The following MAMDC2 variants were observed in gnomAD, a reference collection of about 807,000 sequenced individuals.
MAMDC2 encodes MAM domain-containing protein 2.
Under a neutral mutation model 89.8 loss-of-function variants are expected in MAMDC2, and 57 were observed. That is an observed-to-expected ratio of 0.63 (90% CI 0.51 to 0.79). The LOEUF (loss-of-function observed/expected upper bound fraction) is 0.79, where lower values mean the gene tolerates loss of function less well. Among genes scored for constraint, MAMDC2 ranks in the 30% least tolerant of loss-of-function variants. The pLI is 0.00. For synonymous variants in MAMDC2, 313 were observed against 293.4 expected (o/e 1.07, Z -0.68); for missense variants, 800 against 820.6 (o/e 0.97, Z 0.31).
intron 9 of MAMDC2, among the ~76,000 whole-genome samples, chr9:70,144,086 A>C (rs1280551607): frequency 6.6e-6 from 1 of 152,242 alleles, no homozygotes; most frequent in Non-Finnish European, 1.5e-5. Context: ...CTGAGAGTAC[A>C]TGAATTGTCC....
At chr9:70,124,085 G>T (rs530904152) in intron 5 of MAMDC2, among the ~76,000 whole-genome samples, 8 of 152,176 alleles carry the variant, frequency 5.3e-5, no homozygotes. Context: ...TGCAGCATGG[G>T]GCTGGGTGCC....
intron 2 of MAMDC2, among the ~76,000 whole-genome samples, chr9:70,072,585 T>C (rs542627880): frequency 1.9e-3 from 291 of 152,258 alleles, no homozygotes; most frequent in African/African-American, 6.6e-3. Flanking sequence ...ATTATTATTA[T>C]CCCCACCGAT....
intron 9 of MAMDC2, among the ~76,000 whole-genome samples, chr9:70,166,304 CAT>C (rs56121728): frequency 0.2 from 25,897 of 130,370 alleles, 3,189 homozygotes; most frequent in African/African-American, 0.36. Flanking sequence ...CACACACACA[CAT>C]ATATATATAT....
At chr9:70,224,325 G>A (rs1041795656) in intron 12 of MAMDC2, among the ~76,000 whole-genome samples, 1 of 152,148 alleles carries the variant, frequency 6.6e-6, no homozygotes, top group African/African-American at 2.4e-5. Flanking sequence ...CTATATTCAA[G>A]CATCTCATTG....
intron 12 of MAMDC2, among the ~76,000 whole-genome samples, chr9:70,224,454 C>T (rs186629251): frequency 1.3e-5 from 2 of 152,302 alleles, no homozygotes; most frequent in East Asian, 1.9e-4. Flanking sequence ...AACTATTAGT[C>T]TGCAGCCAAA....
At chr9:70,147,169 T>A in intron 9 of MAMDC2, among the ~76,000 whole-genome samples, 1 of 142,474 alleles carries the variant, frequency 7.0e-6, no homozygotes, top group Non-Finnish European at 1.5e-5. Flanking sequence ...GGCACAAGAA[T>A]CGCTTGTGCC....
intron 12 of MAMDC2, among the ~76,000 whole-genome samples, chr9:70,225,255 T>C (rs2033624130): frequency 6.6e-6 from 1 of 152,226 alleles, no homozygotes; most frequent in African/African-American, 2.4e-5. Flanking sequence ...CCATTATCTT[T>C]GGTAAACTTC....
chr9:70,161,670 G>T (rs2031975718), intron 9 of MAMDC2, among the ~76,000 whole-genome samples: 1 of 152,158 alleles, frequency 6.6e-6, no homozygotes. Flanking sequence ...ATTTTGCCAA[G>T]TATCTCAATA....
In MAMDC2 at chr9:70,131,500, A is replaced by C. The variant is rs757705503; in HGVS notation, c.901-19A>C. 3.0e-5 allele frequency: 47 copies of C among 1,559,444 alleles called. No homozygotes were observed. The highest frequency in any genetic ancestry group is 3.9e-5 in the Non-Finnish European group (45 of 1,147,994). ...CGAAAATATGTGAACATGTGACAGC[A>C]TGCCATTTTCCTCTGCAGGTTATTT... On this transcript the variant is annotated intron_variant, in intron 6 of 13. Coordinates refer to ENST00000377182, the MANE Select transcript of MAMDC2 (RefSeq NM_153267.5).
intron 2 of MAMDC2, among the ~76,000 whole-genome samples, chr9:70,051,354 A>G (rs2117983312): frequency 6.6e-6 from 1 of 152,286 alleles, no homozygotes; most frequent in Admixed American, 6.5e-5. Flanking sequence ...TAAGACACCT[A>G]GGGATTTTTA....
chr9:70,181,386 A>T (rs1388213927), intron 11 of MAMDC2, among the ~76,000 whole-genome samples: 1 of 152,154 alleles, frequency 6.6e-6, no homozygotes, highest in African/African-American at 2.4e-5. Context: ...TAATTCTGTG[A>T]AGAACGTCAA....
rs532029888 is a variant in MAMDC2 at position 70,222,289 on chromosome 9, C to T, written c.1912-3461C>T. 3.3e-5 allele frequency among the ~76,000 whole-genome samples: 5 copies of T among 152,284 alleles called. No homozygotes were observed. In the East Asian group the frequency reaches 7.7e-4, roughly 23 times the overall value. ...TGTGTGCAGGAAGAAAATTAATAGA[C>T]TTCTGGGGGGACATGTTAAGTTTTC... On this transcript the variant is annotated intron_variant, in intron 12 of 13. Transcript: ENST00000377182.
chr9:70,164,945 TATTTA>T (rs998007653), intron 9 of MAMDC2, among the ~76,000 whole-genome samples: 68 of 148,574 alleles, frequency 4.6e-4, no homozygotes, highest in African/African-American at 1.5e-3. Context: ...ATATAATTAA[TATTTA>T]ATTTAATATT....
At chr9:70,208,972 G>T (rs1451574747) in intron 11 of MAMDC2, among the ~76,000 whole-genome samples, 1 of 152,172 alleles carries the variant, frequency 6.6e-6, no homozygotes, top group East Asian at 1.9e-4. Flanking sequence ...TGCATCCCAG[G>T]GATGAAGCCA....
intron 12 of MAMDC2, among the ~76,000 whole-genome samples, chr9:70,225,227 G>T (rs372873087): frequency 1.3e-5 from 2 of 152,062 alleles, no homozygotes; most frequent in South Asian, 2.1e-4. Context: ...TGATGTTATG[G>T]TATTTAACAT....
intron 9 of MAMDC2, among the ~76,000 whole-genome samples, chr9:70,156,338 A>T (rs1364381663): frequency 6.6e-6 from 1 of 152,260 alleles, no homozygotes; most frequent in Non-Finnish European, 1.5e-5. Flanking sequence ...GTTCACTCGA[A>T]TAGAAGAGCA....
intron 11 of MAMDC2, among the ~76,000 whole-genome samples, chr9:70,182,334 T>C (rs896947011): frequency 5.9e-5 from 9 of 152,300 alleles, no homozygotes; most frequent in African/African-American, 2.2e-4. Context: ...GTTGTGTCTC[T>C]GCCAGGTTTT....
chr9:70,144,919 T>C (rs1414234885), intron 9 of MAMDC2, among the ~76,000 whole-genome samples: 1 of 152,244 alleles, frequency 6.6e-6, no homozygotes, highest in African/African-American at 2.4e-5. Flanking sequence ...TGGTTACTTT[T>C]AGTCCATTAC....
At chr9:70,087,358 T>C (rs920069030) in intron 2 of MAMDC2, 1 of 152,198 alleles carries the variant, frequency 6.6e-6, no homozygotes, top group African/African-American at 2.4e-5. Context: ...TTCAATTTAA[T>C]CTCCATCTCT....
Sources: allele counts gnomAD v4.1 joint callset (sites outside exome capture counted in the v4.1 genomes callset), GRCh38; gene constraint gnomAD v4.1.1; transcripts MANE v1.5; gene names NCBI Gene and HGNC (gene_info 2026-07-23, HGNC 2026-07-21).